The following MLXIP variants were observed in gnomAD, a reference collection of about 807,000 sequenced individuals.
MLXIP encodes MLX-interacting protein.
MLXIP carries 30 observed loss-of-function variants against 87.2 expected under a neutral mutation model. The ratio of observed to expected loss-of-function variants is 0.34; its 90% CI spans 0.26 to 0.47. The LOEUF (loss-of-function observed/expected upper bound fraction) is 0.47. MLXIP is among the 20% of genes least tolerant of loss of function. The pLI is 1.00. For missense variants in MLXIP, 1,002 were observed against 1,240.1 expected, an observed-to-expected ratio of 0.81 and a Z score of 2.88; for synonymous variants, 530 against 514.0, an observed-to-expected ratio of 1.03 and a Z score of -0.42.
chr12:122,084,144 T>TATTG (rs893642312), intron 1 of MLXIP, among the ~76,000 whole-genome samples: 1 of 138,164 alleles, frequency 7.2e-6, no homozygotes, highest in African/African-American at 2.7e-5. Flanking sequence ...CTCAGCCAGA[T>TATTG]TGTGTGTGTG....
intron 1 of MLXIP, among the ~76,000 whole-genome samples, chr12:122,088,111 G>T (rs1371924083): frequency 6.6e-6 from 1 of 152,192 alleles, no homozygotes; most frequent in Non-Finnish European, 1.5e-5. Flanking sequence ...AGGGCTGTCA[G>T]TGTGGTGGAC....
chr12:122,086,690 A>G (rs1342525705), intron 1 of MLXIP, among the ~76,000 whole-genome samples: 1 of 152,124 alleles, frequency 6.6e-6, no homozygotes, highest in Non-Finnish European at 1.5e-5. Flanking sequence ...AGAGTTCTCT[A>G]GCCGCGTGGA....
At position 122,135,303 on chromosome 12, in the gene MLXIP, G is replaced by C; in HGVS notation, c.1812G>C (p.Val604=). Reference sequence around the variant, plus strand: ...GAGAAGGGATGTTGGCCTCCACCGTGTCCCAGTCCAACGTGGTCATTGCGC... The same window carrying C: ...GAGAAGGGATGTTGGCCTCCACCGTCTCCCAGTCCAACGTGGTCATTGCGC... ...LKREGMLAST[V]SQSNVVIAPA... The change falls in exon 10 of 17, where the codon GTG becomes GTC. Residue 604 remains valine (V), a synonymous_variant. Coordinates refer to ENST00000319080, the MANE Select transcript of MLXIP (RefSeq NM_014938.6). This position sits in a 1 kb window ranked among gnomAD's most constrained non-coding sequence, Gnocchi z 5.3. 6.2e-7 allele frequency: 1 copy of C among 1,613,738 alleles called. No homozygotes were observed. The highest frequency in any genetic ancestry group is 8.5e-7 in the Non-Finnish European group (1 of 1,179,886).
At chr12:122,101,828 C>T (rs549166357) in intron 1 of MLXIP, among the ~76,000 whole-genome samples, 1 of 152,282 alleles carries the variant, frequency 6.6e-6, no homozygotes, top group East Asian at 1.9e-4. Flanking sequence ...ATCCACCCAC[C>T]TTGGCCTCCC....
chr12:122,104,043 A>G (rs1952481601), intron 1 of MLXIP, among the ~76,000 whole-genome samples: 1 of 152,202 alleles, frequency 6.6e-6, no homozygotes, highest in African/African-American at 2.4e-5. Flanking sequence ...TGTTACAGAA[A>G]GCATGTGGTA....
intron 2 of MLXIP, 78 bp downstream of exon 2, chr12:122,127,440 T>C: frequency 9.8e-7 from 1 of 1,015,662 alleles, no homozygotes. Context: ...GGGACCAGAG[T>C]CTGCTCCTGG....
At position 122,142,468 on chromosome 12, in the gene MLXIP, C is replaced by T. The variant is rs532069695; in HGVS notation, c.*656C>T. The T allele has an allele frequency of 1.1e-3, 422 of 377,324 alleles. 5 individuals carry two copies. The highest frequency in any genetic ancestry group is 8.2e-3 in the South Asian group (409 of 49,750). The allele number at this position is 377,324 out of a possible 1,614,324, so 23.4% of individuals were successfully genotyped here. A position where few individuals can be genotyped will look rare whatever the true frequency, so the allele number is the denominator to read the frequency against. On this transcript the variant is annotated 3_prime_UTR_variant, in exon 17 of 17. Coordinates refer to ENST00000319080, the MANE Select transcript of MLXIP (RefSeq NM_014938.6). ...GGAACACACAGGACCAGAATGGAAG[C>T]GTGTGATGCACGGTGGCTGCTCTGG...
intron 1 of MLXIP, among the ~76,000 whole-genome samples, chr12:122,112,058 T>C (rs1198597600): frequency 6.6e-6 from 1 of 152,264 alleles, no homozygotes; most frequent in East Asian, 1.9e-4. Flanking sequence ...TAAAAGATGA[T>C]GGGTGCTAAC....
At chr12:122,138,139 G>A in intron 12 of MLXIP, 55 bp from the exon 13 acceptor site, 3 of 1,469,528 alleles carry the variant, frequency 2.0e-6, no homozygotes, top group South Asian at 2.6e-5. Flanking sequence ...GTGAGGAAGG[G>A]TGGACAGTGT....
chr12:122,122,918 C>T (rs573005365), intron 1 of MLXIP, among the ~76,000 whole-genome samples: 53 of 150,754 alleles, frequency 3.5e-4, no homozygotes, highest in African/African-American at 7.1e-4. Flanking sequence ...GTCTGGAACT[C>T]GTGAGCTCAA....
Position 122,141,716 on chromosome 12 carries a change from G to A in MLXIP, c.2664G>A (p.Leu888=), listed in dbSNP as rs1479712006. The A allele has an allele frequency of 3.7e-6, 6 of 1,613,840 alleles. No homozygotes were observed. Among genetic ancestry groups the A allele is most frequent in the East Asian group, 2.2e-5 (1 of 44,880 alleles). ...TGGTATTGAGCACGCTGCGGCAGCTGAGCACCTCCACCTCCATCCTCACAG... is the reference window on the plus strand; with the variant it reads ...TGGTATTGAGCACGCTGCGGCAGCTAAGCACCTCCACCTCCATCCTCACAG... ...RPMVLSTLRQ[L]STSTSILTDP... is the part of the protein sequence containing the mutation. The change falls in exon 17 of 17, where the codon CTG becomes CTA. Residue 888 remains leucine (L), a synonymous_variant. Coordinates refer to ENST00000319080, the MANE Select transcript of MLXIP (RefSeq NM_014938.6).
rs1474551324 is a variant in MLXIP at position 122,142,472 on chromosome 12, T to C, written c.*660T>C. 1.3e-5 allele frequency: 5 copies of C among 371,292 alleles called. No homozygotes were observed. In the East Asian group the frequency reaches 3.6e-4, roughly 27 times the overall value. The allele number at this position is 371,292 out of a possible 1,614,324, so 23.0% of individuals were successfully genotyped here. On this transcript the variant is annotated 3_prime_UTR_variant, in exon 17 of 17. Transcript: ENST00000319080. ...CACACAGGACCAGAATGGAAGCGTG[T>C]GATGCACGGTGGCTGCTCTGGCTGA...
chr12:122,094,996 G>A (rs888565021), intron 1 of MLXIP, among the ~76,000 whole-genome samples: 4,337 of 105,640 alleles, frequency 0.041, 206 homozygotes, highest in African/African-American at 0.13. Flanking sequence ...ATGTGTGTGC[G>A]GTGTCTGTGT....
intron 1 of MLXIP, among the ~76,000 whole-genome samples, chr12:122,095,355 C>T (rs1391757645): frequency 6.6e-6 from 1 of 151,872 alleles, no homozygotes; most frequent in Non-Finnish European, 1.5e-5. Context: ...CTTGTGCGGC[C>T]GCCTTGCACA....
At chr12:122,099,570 TG>T (rs1257218057) in intron 1 of MLXIP, among the ~76,000 whole-genome samples, 1 of 152,256 alleles carries the variant, frequency 6.6e-6, no homozygotes, top group African/African-American at 2.4e-5. Flanking sequence ...ATGACCTTTT[TG>T]GTCTGATGTC....
Position 122,078,800 on chromosome 12 carries a change from G to A in MLXIP, c.-54G>A, listed in dbSNP as rs1340737127. 9.7e-7 allele frequency: 1 copy of A among 1,029,982 alleles called. No individual in the cohort carries two copies. The highest frequency in any genetic ancestry group is 5.8e-5 in the Admixed American group (1 of 17,314). 63.8% of individuals were successfully genotyped at this position (1,029,982 alleles called of 1,614,324 possible). A position where few individuals can be genotyped will look rare whatever the true frequency, so the allele number is the denominator to read the frequency against. The stretch of plus-strand genomic sequence containing the variant: ...CCGGGCCGGCGCCCCTCTGCCTCGC[G>A]CGCTTGTCGCGTTGCCCCGGGCTCC... On this transcript the variant is annotated 5_prime_UTR_variant, in exon 1 of 17. Transcript: ENST00000319080.
chr12:122,079,599 TCCAAACGCTTTGTGTGTTTCCC>T (rs908488020), intron 1 of MLXIP, among the ~76,000 whole-genome samples: 2 of 152,220 alleles, frequency 1.3e-5, no homozygotes, highest in Non-Finnish European at 2.9e-5. Context: ...GACTCCTTCC[TCCAAACGCTTTGTGTGTTTCCC>T]CCATATCCAG....
chr12:122,117,021 A>G (rs1453404556), intron 1 of MLXIP, among the ~76,000 whole-genome samples: 4 of 152,088 alleles, frequency 2.6e-5, no homozygotes, highest in South Asian at 2.1e-4. Flanking sequence ...AAGTTGCCCT[A>G]TTTTTGGGTG....
chr12:122,094,820 G>A (rs1952323619), intron 1 of MLXIP, among the ~76,000 whole-genome samples: 2 of 148,748 alleles, frequency 1.3e-5, no homozygotes, highest in Non-Finnish European at 3.0e-5. Flanking sequence ...TGGTGTGTGT[G>A]TTGGTGTGTG....
Sources: gnomAD v4.1 joint callset for allele counts (sites outside exome capture counted in the v4.1 genomes callset) on GRCh38, gnomAD v4.1.1 for gene constraint, Gnocchi (gnomAD v3.1) non-coding constraint, MANE v1.5 for transcripts, NCBI Gene and HGNC (gene_info 2026-07-23, HGNC 2026-07-21) for gene names.